Variants in GOLGA6L2 observed in about 807,000 individuals in gnomAD.
GOLGA6L2 encodes golgin A6 family like 2.
A neutral mutation model predicts 35.9 loss-of-function variants in GOLGA6L2; 30 were observed. The ratio of observed to expected loss-of-function variants is 0.83; its 90% CI spans 0.62 to 1.13. The LOEUF (loss-of-function observed/expected upper bound fraction) is 1.13, where lower values mean the gene tolerates loss of function less well. GOLGA6L2 is among the 50% of genes most tolerant of loss of function. GOLGA6L2 has a pLI of 0.00. For missense variants in GOLGA6L2, 821 were observed against 973.4 expected (o/e 0.84, Z 2.08); for synonymous variants, 297 against 344.0 (o/e 0.86, Z 1.51).
intron 1 of GOLGA6L2, among the ~76,000 whole-genome samples, chr15:23,446,600 T>C (rs1886789267): frequency 6.6e-6 from 1 of 152,208 alleles, no homozygotes; most frequent in East Asian, 1.9e-4. Flanking sequence ...GTTGCCTCTT[T>C]GAGGTTGGGG....
rs930636153 is a variant in GOLGA6L2 at position 23,442,319 on chromosome 15, A to G, written c.650+131T>C. 1.2e-5 allele frequency: 15 copies of G among 1,214,670 alleles called. No individual in the cohort carries two copies. The African/African-American group carries it at 1.6e-4, about 13-fold the overall frequency. 75.2% of individuals were successfully genotyped at this position (1,214,670 alleles called of 1,614,324 possible). A position where few individuals can be genotyped will look rare whatever the true frequency, so the allele number is the denominator to read the frequency against. ...CCCATGAGTCAGTGGCACAGCCGGC[A>G]CTAGAGCTTCCCTGTGCACACATGT... On this transcript the variant is annotated intron_variant, in intron 6 of 7. Transcript: ENST00000567107.
rs747391527 is a variant in GOLGA6L2, at chr15:23,443,815, G to C, written c.553C>G (p.Leu185Val). ...WHFAGELQRA[L>V]SAVSTWHKKA... ...TTGTGCCATGTGGACACAGCAGAGA[G>C]AGCCCGCTGTAACTCTCCTGCAAAG... Residue 185 changes from leucine to valine, a missense_variant, in exon 5 of 8, where the codon CTC (leucine) becomes GTC (valine). Around this residue, in one of 7 missense-constraint regions of GOLGA6L2, gnomAD observed 614 missense variants for 632.3 expected, o/e 0.97. Transcript: ENST00000567107. 2.6e-6 allele frequency: 4 copies of C among 1,539,470 alleles called. No homozygotes were observed.
chr15:23,441,583 G>T lies in GOLGA6L2; in HGVS notation c.892C>A (p.Gln298Lys), dbSNP rs112742309. 2,556 of 1,548,586 alleles carry T rather than the reference G, an allele frequency of 1.7e-3. 28 individuals carry two copies. The African/African-American group carries it at 0.031, about 19-fold the overall frequency. The change falls in exon 8 of 8, where the codon CAG (glutamine) becomes AAG (lysine). Residue 298 changes from glutamine (Q) to lysine (K), a missense_variant. Gln to Lys is a moderately conservative substitution (Grantham distance 53). Coordinates refer to ENST00000567107, the MANE Select transcript of GOLGA6L2 (RefSeq NM_001304388.2). ...TCCTGCTCCCGCAGTCTCTCCTCCT[G>T]TCTCCACATCTTCTCCTCCTGCTTC... Reference protein sequence around the residue: ...IRKQEEKMWRQEERLREQEGK... With the variant: ...IRKQEEKMWRKEERLREQEGK...
chr15:23,445,769 C>T (rs569011016), intron 1 of GOLGA6L2, among the ~76,000 whole-genome samples: 5 of 152,280 alleles, frequency 3.3e-5, no homozygotes, highest in African/African-American at 1.2e-4. Context: ...CATCCTCACA[C>T]ATCTGTTAGT....
In GOLGA6L2 at chr15:23,439,550, T is replaced by C. The variant is rs1245655094; in HGVS notation, c.*195A>G. ...TGTTGACAGTGCCAACTTTTAGATA[T>C]TGATGATCTTCATCTTTCTCTTGTC... On this transcript the variant is annotated 3_prime_UTR_variant, in exon 8 of 8. Coordinates refer to ENST00000567107, the MANE Select transcript of GOLGA6L2 (RefSeq NM_001304388.2). 1 of 1,531,018 alleles carries C rather than the reference T, an allele frequency of 6.5e-7. No homozygotes were observed. The highest frequency in any genetic ancestry group is 2.5e-5 in the East Asian group (1 of 40,708). 94.8% of individuals were successfully genotyped at this position (1,531,018 alleles called of 1,614,324 possible). A position where few individuals can be genotyped will look rare whatever the true frequency, so the allele number is the denominator to read the frequency against.
chr15:23,440,762 T>G lies in GOLGA6L2; in HGVS notation c.1713A>C (p.Glu571Asp), dbSNP rs867163998. 68 of 1,525,486 alleles carry G rather than the reference T, an allele frequency of 4.5e-5. No individual in the cohort carries two copies. In the South Asian group the frequency reaches 7.6e-4, roughly 17 times the overall value. The allele number at this position is 1,525,486 out of a possible 1,614,324, so 94.5% of individuals were successfully genotyped here. The stretch of plus-strand genomic sequence containing the variant: ...CATCCTCTCCTCCTGGTCCCACATC[T>G]TCTGCTCCTGATCCCGCATCTTCTC... Reference protein sequence around the residue: ...AGGEDAGSGAEDVGPGGEDVG... With the variant: ...AGGEDAGSGADDVGPGGEDVG... The change falls in exon 8 of 8, where the codon GAA (glutamate) becomes GAC (aspartate). Residue 571 changes from glutamate (E) to aspartate (D), a missense_variant. Coordinates refer to ENST00000567107, the MANE Select transcript of GOLGA6L2 (RefSeq NM_001304388.2).
At chr15:23,441,723 A>G in intron 7 of GOLGA6L2, 41 bp from the exon 8 acceptor site, 3 of 1,439,638 alleles carry the variant, frequency 2.1e-6, no homozygotes, top group Non-Finnish European at 2.7e-6. Context: ...ATATAAATGT[A>G]ATCTATAAAA....
intron 3 of GOLGA6L2, 33 bp from the exon 4 acceptor site, chr15:23,444,245 G>T (rs775276131): frequency 1.9e-6 from 3 of 1,598,524 alleles, no homozygotes; most frequent in Non-Finnish European, 2.6e-6. Flanking sequence ...CTCTTACTAG[G>T]GGGAGGCAGA....
Position 23,441,559 on chromosome 15 carries a change from C to T in GOLGA6L2, c.916G>A (p.Glu306Lys), listed in dbSNP as rs545951088. Residue 306 changes from glutamate (E) to lysine (K), a missense_variant, in exon 8 of 8, where the codon GAG (glutamate) becomes AAG (lysine). Physicochemically the swap from Glu to Lys is moderately conservative, Grantham distance 56. Coordinates refer to ENST00000567107, the MANE Select transcript of GOLGA6L2 (RefSeq NM_001304388.2). Reference sequence around the variant, plus strand: ...TCCTCCTGCTCCCGCATCTTCCCCTCCTGCTCCCGCAGTCTCTCCTCCTGT... The same window carrying T: ...TCCTCCTGCTCCCGCATCTTCCCCTTCTGCTCCCGCAGTCTCTCCTCCTGT... ...WRQEERLREQ[E>K]GKMREQEEKM... is the part of the protein sequence containing the mutation. 16 of 1,480,640 alleles carry T rather than the reference C, an allele frequency of 1.1e-5. No individual in the cohort carries two copies. The Admixed American group carries it at 2.9e-4, about 27-fold the overall frequency. 91.7% of individuals were successfully genotyped at this position (1,480,640 alleles called of 1,614,324 possible).
chr15:23,446,956 T>C (rs1886800644), intron 1 of GOLGA6L2, 142 bp downstream of exon 1: 1 of 551,110 alleles, frequency 1.8e-6, no homozygotes, highest in East Asian at 3.3e-5. Flanking sequence ...TGAGAAGATT[T>C]TGATTGGGGG....
At position 23,441,605 on chromosome 15, in the gene GOLGA6L2, C is replaced by T. The variant is rs1210408869; in HGVS notation, c.870G>A (p.Lys290=). The change falls in exon 8 of 8, where the codon AAG becomes AAA. Residue 290 remains lysine (K), a synonymous_variant. Transcript: ENST00000567107. ...ELREQEKKIR[K]QEEKMWRQEE... ...CCTGTCTCCACATCTTCTCCTCCTG[C>T]TTCCGTATCTTCTTTTCCTGCTCCC... The T allele has an allele frequency of 5.8e-6, 9 of 1,548,420 alleles. No homozygotes were observed. In the Admixed American group the frequency reaches 5.9e-5, roughly 10 times the overall value.
Position 23,441,664 on chromosome 15 carries a change from G to A in GOLGA6L2, c.811C>T (p.Gln271Ter). Residue 271 changes from glutamine (Q) to a stop codon, truncating the protein, a stop_gained, in exon 8 of 8, where the codon CAG becomes TAG. Coordinates refer to ENST00000567107, the MANE Select transcript of GOLGA6L2 (RefSeq NM_001304388.2). LOFTEE classifies it low-confidence loss of function (END_TRUNC). ...TCCTCCTGCCTCCACATCTCCTCCT[G>A]CAAAGTGTTGGTTTGAACCTCAAAA... ...LLPQVQTNTL[Q>*]EEMWRQEEEL... 6.6e-7 allele frequency: 1 copy of A among 1,525,800 alleles called. No individual in the cohort carries two copies. Among genetic ancestry groups the A allele is most frequent in the Admixed American group, 2.1e-5 (1 of 47,516 alleles). The allele number at this position is 1,525,800 out of a possible 1,614,324, so 94.5% of individuals were successfully genotyped here.
chr15:23,441,460 C>A lies in GOLGA6L2; in HGVS notation c.1015G>T (p.Glu339Ter), dbSNP rs570292232. 4.6e-5 allele frequency: 65 copies of A among 1,411,810 alleles called. No individual in the cohort carries two copies. The East Asian group carries it at 1.8e-3, about 39-fold the overall frequency. 87.5% of individuals were successfully genotyped at this position (1,411,810 alleles called of 1,614,324 possible). A position where few individuals can be genotyped will look rare whatever the true frequency, so the allele number is the denominator to read the frequency against. Residue 339 changes from glutamate (E) to a stop codon, truncating the protein, a stop_gained, in exon 8 of 8, where the codon GAG becomes TAG. Transcript: ENST00000567107. LOFTEE classifies it low-confidence loss of function (END_TRUNC). ...TCCTGCTCCCGCAGCTTCTTCTGCT[C>A]CCGCAGCTCCTTCTCCTGCTCCCGC... ...ELREQEKELR[E>*]QKKLREQEEQ...
chr15:23,439,447 C>CTTT lies in GOLGA6L2; in HGVS notation c.*295_*297dup. 2.6e-4 allele frequency: 107 copies of CTTT among 417,550 alleles called. No individual in the cohort carries two copies. The highest frequency in any genetic ancestry group is 3.9e-4 in the Admixed American group (9 of 22,812). The allele number at this position is 417,550 out of a possible 1,614,324, so 25.9% of individuals were successfully genotyped here. A position where few individuals can be genotyped will look rare whatever the true frequency, so the allele number is the denominator to read the frequency against. The stretch of plus-strand genomic sequence containing the variant: ...CACAATTTAAAGTAAATTTTCTTTT[C>CTTT]TTTTTTTTTTTTTTTTTCAAGTTTG... On this transcript the variant is annotated 3_prime_UTR_variant, in exon 8 of 8. Transcript: ENST00000567107.
chr15:23,444,537 C>T (rs1332905602), intron 2 of GOLGA6L2, 37 bp from the exon 3 acceptor site: 4 of 1,592,120 alleles, frequency 2.5e-6, no homozygotes, highest in Non-Finnish European at 2.6e-6. Flanking sequence ...CTGAGGGTGG[C>T]CCCCTGGACT....
chr15:23,447,118 A>G lies in GOLGA6L2; in HGVS notation c.64T>C (p.Leu22=). Residue 22 remains leucine, a synonymous_variant, in exon 1 of 8, where the codon TTG becomes CTG. Coordinates refer to ENST00000567107, the MANE Select transcript of GOLGA6L2 (RefSeq NM_001304388.2). ...MMSEKTRQNK[L]AEAKKKFTDY... ...TTTACCTTTTTCTTGGCCTCAGCCA[A>G]TTTGTTCTGTCTGGTTTTTTCTGAC... 2 of 1,313,746 alleles carry G rather than the reference A, an allele frequency of 1.5e-6. No homozygotes were observed. Among genetic ancestry groups the G allele is most frequent in the Non-Finnish European group, 2.0e-6 (2 of 979,086 alleles). 81.4% of individuals were successfully genotyped at this position (1,313,746 alleles called of 1,614,324 possible).
chr15:23,441,759 A>T (rs1435022960), intron 7 of GOLGA6L2, 77 bp from the exon 8 acceptor site: 22 of 1,416,242 alleles, frequency 1.6e-5, no homozygotes, highest in Middle Eastern at 1.9e-4. Context: ...ATGATTCTTT[A>T]AAAAAAATTT....
In GOLGA6L2 at chr15:23,444,485, C is replaced by A. The variant is rs1487179975; in HGVS notation, c.229G>T (p.Ala77Ser). 1 of 1,599,940 alleles carries A rather than the reference C, an allele frequency of 6.3e-7. No individual in the cohort carries two copies. The highest frequency in any genetic ancestry group is 1.3e-5 in the African/African-American group (1 of 74,910). ...HSPEDTQQNR[A>S]QLKEEKKASH... ...AATCACGTTACTTCTTTCAGCTGCG[C>A]TCGGTTCTGTTGTGTCTGTGGGGAG... Residue 77 changes from alanine to serine, a missense_variant, in exon 3 of 8, where the codon GCG becomes TCG. This residue lies in a region of GOLGA6L2 where 614 missense variants were observed against 632.3 expected (regional missense o/e 0.97). Transcript: ENST00000567107.
rs150123316 is a variant in GOLGA6L2, at chr15:23,444,900, C to A, written c.214-400G>T. 3.1e-3 allele frequency among the ~76,000 whole-genome samples: 464 copies of A among 150,030 alleles called. 2 individuals carry two copies. Among genetic ancestry groups the A allele is most frequent in the African/African-American group, 0.011 (453 of 40,948 alleles). The stretch of plus-strand genomic sequence containing the variant: ...GGAAAAGGCAGACAGGAGCCCTTGG[C>A]CCCAAGGTTTCCATTCTAGTGAATC... On this transcript the variant is annotated intron_variant, in intron 2 of 7. Coordinates refer to ENST00000567107, the MANE Select transcript of GOLGA6L2 (RefSeq NM_001304388.2).
Sources: allele counts gnomAD v4.1 joint callset (sites outside exome capture counted in the v4.1 genomes callset), GRCh38; gene constraint gnomAD v4.1.1; regional missense constraint gnomAD v4.1.1; transcripts MANE v1.5; gene names NCBI Gene and HGNC (gene_info 2026-07-23, HGNC 2026-07-21).